Variants in STARD9 observed in about 807,000 individuals in gnomAD.
STARD9 encodes the protein stAR-related lipid transfer protein 9.
STARD9 carries 346 observed loss-of-function variants against 399.8 expected under a neutral mutation model. That is an observed-to-expected ratio of 0.87 (90% CI 0.79 to 0.95). The LOEUF (loss-of-function observed/expected upper bound fraction) is 0.95, where lower values mean the gene tolerates loss of function less well. Among genes scored for constraint, STARD9 ranks in the 40% least tolerant of loss-of-function variants. STARD9 has a pLI of 0.00. For missense variants in STARD9, 5,832 were observed against 5,667.5 expected (o/e 1.03, Z -0.93); for synonymous variants, 2,203 against 2,143.5 (o/e 1.03, Z -0.77).
intron 26 of STARD9, among the ~76,000 whole-genome samples, chr15:42,704,773 T>C (rs2061040336): frequency 6.6e-6 from 1 of 152,178 alleles, no homozygotes; most frequent in Non-Finnish European, 1.5e-5. Context: ...TCATGCATAA[T>C]TCGGTCTCCT....
chr15:42,631,239 G>C (rs903125595), intron 3 of STARD9, among the ~76,000 whole-genome samples: 3 of 152,002 alleles, frequency 2.0e-5, no homozygotes, highest in Non-Finnish European at 2.9e-5. Flanking sequence ...TCTCTTAGTA[G>C]TACTTACACT....
chr15:42,716,831 T>C, intron 27 of STARD9, 67 bp downstream of exon 27: 1 of 1,522,754 alleles, frequency 6.6e-7, no homozygotes, highest in South Asian at 1.2e-5. Flanking sequence ...TGATGGCTGC[T>C]AGATCTTAGT....
At chr15:42,683,606 T>C (rs1003870811) in intron 22 of STARD9, among the ~76,000 whole-genome samples, 8 of 152,224 alleles carry the variant, frequency 5.3e-5, no homozygotes, top group African/African-American at 1.9e-4. Flanking sequence ...TCTCTCTTTT[T>C]TCTCTAACAT....
At chr15:42,648,246 T>TCCG (rs1165717292) in intron 7 of STARD9, among the ~76,000 whole-genome samples, 2 of 152,154 alleles carry the variant, frequency 1.3e-5, no homozygotes, top group Non-Finnish European at 2.9e-5. Flanking sequence ...CACTGCAACC[T>TCCG]CCGCCTCCTG....
rs990379228 is a variant in STARD9 at position 42,720,766 on chromosome 15, A to C, written c.*1192A>C. Reference sequence around the variant, plus strand: ...TAGTGTGGCAGAGATGTGTTTTTCTAAAGTGTTTGCAGGGCATTTTTCCCT... The same window carrying C: ...TAGTGTGGCAGAGATGTGTTTTTCTCAAGTGTTTGCAGGGCATTTTTCCCT... On this transcript the variant is annotated 3_prime_UTR_variant, in exon 33 of 33. Coordinates refer to ENST00000290607, the MANE Select transcript of STARD9 (RefSeq NM_020759.3). 6.6e-6 allele frequency: 1 copy of C among 152,160 alleles called. No individual in the cohort carries two copies. The highest frequency in any genetic ancestry group is 1.5e-5 in the Non-Finnish European group (1 of 68,024). 9.4% of individuals were successfully genotyped at this position (152,160 alleles called of 1,614,324 possible). A position where few individuals can be genotyped will look rare whatever the true frequency, so the allele number is the denominator to read the frequency against.
rs60332578 is a variant in STARD9, at chr15:42,612,990, GAA to G, written c.235-21847_235-21846del. ...CAGAGCGAGACTATGTCTCAGAGGG[GAA>G]AAAAAAAAAAAAAAAAAAGAGCAAC... On this transcript the variant is annotated intron_variant, in intron 3 of 32. Transcript: ENST00000290607. Among the ~76,000 whole-genome samples the G allele has an allele frequency of 9.1e-4, 109 of 119,290 alleles. 1 individual carries two copies. Among genetic ancestry groups the G allele is most frequent in the African/African-American group, 3.1e-3 (96 of 30,506 alleles). The allele number at this position is 119,290 out of a possible 152,430, so 78.3% of individuals were successfully genotyped here. A position where few individuals can be genotyped will look rare whatever the true frequency, so the allele number is the denominator to read the frequency against.
chr15:42,689,678 A>C lies in STARD9; in HGVS notation c.8100A>C (p.Glu2700Asp), dbSNP rs1419313714. Residue 2700 changes from glutamate to aspartate, a missense_variant, in exon 23 of 33, where the codon GAA becomes GAC. Glu to Asp is a conservative substitution (Grantham distance 45). This residue lies in a region of STARD9 where 5,828 missense variants were observed against 5,651.1 expected (regional missense o/e 1.03). Coordinates refer to ENST00000290607, the MANE Select transcript of STARD9 (RefSeq NM_020759.3). ...EPFICHSSSS[E>D]IIEKKKDATR... ...TTATATGTCACTCTAGTTCTTCTGA[A>C]ATCATAGAGAAAAAGAAAGATGCAA... 1 of 1,537,686 alleles carries C rather than the reference A, an allele frequency of 6.5e-7. No individual in the cohort carries two copies. The highest frequency in any genetic ancestry group is 8.7e-7 in the Non-Finnish European group (1 of 1,147,042).
chr15:42,715,833 GTGT>G (rs2061339384), intron 26 of STARD9, among the ~76,000 whole-genome samples: 1 of 152,142 alleles, frequency 6.6e-6, no homozygotes, highest in Non-Finnish European at 1.5e-5. Flanking sequence ...AATTAGCCAA[GTGT>G]TGTAGCTAAT....
At chr15:42,712,301 T>C (rs2061258179) in intron 26 of STARD9, among the ~76,000 whole-genome samples, 1 of 149,406 alleles carries the variant, frequency 6.7e-6, no homozygotes, top group Non-Finnish European at 1.5e-5. Context: ...ATAGTGCCCT[T>C]TGAAGCCAAA....
chr15:42,654,719 C>G (rs1458879923), intron 9 of STARD9, among the ~76,000 whole-genome samples: 3 of 151,756 alleles, frequency 2.0e-5, no homozygotes, highest in Non-Finnish European at 4.4e-5. Context: ...TACACTTAAC[C>G]AAGGAGGTGA....
intron 13 of STARD9, among the ~76,000 whole-genome samples, chr15:42,664,263 C>T (rs771146209): frequency 1.2e-4 from 18 of 151,860 alleles, no homozygotes; most frequent in East Asian, 5.8e-4. Context: ...CAGGCTGGAG[C>T]GCAGTGGTGC....
intron 7 of STARD9, among the ~76,000 whole-genome samples, chr15:42,639,757 G>A (rs897300894): frequency 2.6e-5 from 4 of 151,770 alleles, no homozygotes; most frequent in African/African-American, 4.8e-5. Flanking sequence ...CCAGCTACTC[G>A]GGAGGCTGAG....
chr15:42,644,841 A>G (rs2059616133), intron 7 of STARD9, among the ~76,000 whole-genome samples: 1 of 152,204 alleles, frequency 6.6e-6, no homozygotes, highest in Non-Finnish European at 1.5e-5. Context: ...CTAAGTTTAT[A>G]TAATATTCTG....
rs1367445214 is a variant in STARD9, at chr15:42,684,059, G to A, written c.2538-57G>A. ...CTGGCCTTGTTTTTAACCTCCTTCT[G>A]TCCACAGGAAGTAGTACCTCTCACA... On this transcript the variant is annotated intron_variant, in intron 22 of 32. Coordinates refer to ENST00000290607, the MANE Select transcript of STARD9 (RefSeq NM_020759.3). 3.4e-6 allele frequency: 5 copies of A among 1,474,354 alleles called. No homozygotes were observed. The African/African-American group carries it at 7.0e-5, about 21-fold the overall frequency. 91.3% of individuals were successfully genotyped at this position (1,474,354 alleles called of 1,614,324 possible). A position where few individuals can be genotyped will look rare whatever the true frequency, so the allele number is the denominator to read the frequency against.
intron 2 of STARD9, 88 bp downstream of exon 2, chr15:42,583,503 G>A (rs1196648104): frequency 4.2e-6 from 4 of 944,848 alleles, no homozygotes; most frequent in African/African-American, 1.6e-5. Flanking sequence ...ATATGTGAAT[G>A]TGTTTAGAGT....
intron 26 of STARD9, among the ~76,000 whole-genome samples, chr15:42,701,131 G>A (rs1463703429): frequency 6.6e-6 from 1 of 152,140 alleles, no homozygotes; most frequent in Non-Finnish European, 1.5e-5. Context: ...TTTTATGCCA[G>A]TACCATGCTG....
At chr15:42,669,390 A>G (rs2060164135) in intron 16 of STARD9, 53 bp downstream of exon 16, 1 of 1,432,752 alleles carries the variant, frequency 7.0e-7, no homozygotes, top group Middle Eastern at 2.0e-4. Context: ...CCAGAGGTCA[A>G]GGAGGGAAAA....
intron 26 of STARD9, among the ~76,000 whole-genome samples, chr15:42,700,330 G>C (rs991667000): frequency 2.6e-4 from 39 of 152,176 alleles, no homozygotes; most frequent in African/African-American, 9.2e-4. Flanking sequence ...TGGTAGTTCT[G>C]CTTTAGTTTT....
intron 26 of STARD9, among the ~76,000 whole-genome samples, chr15:42,713,717 C>T (rs2061295082): frequency 1.3e-5 from 2 of 152,088 alleles, no homozygotes; most frequent in Admixed American, 1.3e-4. Context: ...CGAGCCAGCC[C>T]TGTGTTTCTG....
Sources: allele counts gnomAD v4.1 joint callset (sites outside exome capture counted in the v4.1 genomes callset), GRCh38; gene constraint gnomAD v4.1.1; regional missense constraint gnomAD v4.1.1; transcripts MANE v1.5; gene names NCBI Gene and HGNC (gene_info 2026-07-23, HGNC 2026-07-21).